SLC25A21: variants seen among roughly 807,000 people sequenced by gnomAD.
SLC25A21 encodes solute carrier family 25 member 21.
SLC25A21 carries 47 observed loss-of-function variants against 43.8 expected under a neutral mutation model. The observed-to-expected ratio is 1.07, with a 90% CI of 0.85 to 1.37. The LOEUF is 1.37. SLC25A21 is among the 40% of genes most tolerant of loss of function. The pLI is 0.00. For missense variants in SLC25A21, 352 were observed against 350.2 expected (o/e 1.00, Z -0.04); for synonymous variants, 131 against 121.3 (o/e 1.08, Z -0.52).
chr14:36,763,582 T>C (rs1886246231), intron 3 of SLC25A21, among the ~76,000 whole-genome samples: 1 of 152,060 alleles, frequency 6.6e-6, no homozygotes, highest in African/African-American at 2.4e-5. Flanking sequence ...CCTCAGGTAT[T>C]TGGGTGGTGG....
chr14:36,875,165 AAT>A (rs1890484080), intron 1 of SLC25A21, among the ~76,000 whole-genome samples, 161 bp from the exon 2 acceptor site: 1 of 152,234 alleles, frequency 6.6e-6, no homozygotes, highest in Non-Finnish European at 1.5e-5. Context: ...ACAGAAGCAT[AAT>A]ATGATTTTAT....
intron 1 of SLC25A21, among the ~76,000 whole-genome samples, chr14:36,947,635 T>C (rs978911830): frequency 6.6e-6 from 1 of 152,130 alleles, no homozygotes; most frequent in Non-Finnish European, 1.5e-5. Flanking sequence ...GACACACACA[T>C]CTGATGATAT....
At chr14:37,049,509 C>T (rs1239991836) in intron 1 of SLC25A21, among the ~76,000 whole-genome samples, 1 of 152,048 alleles carries the variant, frequency 6.6e-6, no homozygotes, top group African/African-American at 2.4e-5. Context: ...GGGGTCGAGG[C>T]TGCAGTGAGC....
Position 36,813,922 on chromosome 14 carries a change from C to G in SLC25A21, c.199G>C (p.Glu67Gln), listed in dbSNP as rs767241289. 1 of 1,597,018 alleles carries G rather than the reference C, an allele frequency of 6.3e-7. No individual in the cohort carries two copies. Among genetic ancestry groups the G allele is most frequent in the Non-Finnish European group, 8.6e-7 (1 of 1,168,796 alleles). ...CTATATGAAGAATATACATACCCTT[C>G]CATTTGGAAAATCATTCGAAAGCTG... Reference protein sequence around the residue: ...VDSFRMIFQMEGLFGFYKGIL... With the variant: ...VDSFRMIFQMQGLFGFYKGIL... The change falls in exon 3 of 10, where the codon GAA (glutamate) becomes CAA (glutamine). Residue 67 changes from glutamate to glutamine, a missense_variant. Coordinates refer to ENST00000331299, the MANE Select transcript of SLC25A21 (RefSeq NM_030631.4).
At chr14:36,776,918 T>G (rs1447372436) in intron 3 of SLC25A21, among the ~76,000 whole-genome samples, 3 of 152,174 alleles carry the variant, frequency 2.0e-5, no homozygotes, top group Non-Finnish European at 4.4e-5. Flanking sequence ...TGTTGGCTCA[T>G]GCTTCCTGAG....
At chr14:36,741,265 G>A (rs1885250894) in intron 3 of SLC25A21, among the ~76,000 whole-genome samples, 1 of 152,156 alleles carries the variant, frequency 6.6e-6, no homozygotes, top group Non-Finnish European at 1.5e-5. Context: ...GGTTTTTGGT[G>A]TTAGGAGCAA....
In SLC25A21 at chr14:37,132,735, AT is replaced by A. The variant is rs57111450; in HGVS notation, c.70+39545del. On this transcript the variant is annotated intron_variant, in intron 1 of 9. Transcript: ENST00000331299. ...CCTTTCTGGCTTCTCTCATAGCTAT[AT>A]TTTTTTTTTTTAAGACAGGGTCTCA... is the stretch of plus-strand genomic sequence containing the variant. Among the ~76,000 whole-genome samples, 973 of 131,424 alleles carry A rather than the reference AT, an allele frequency of 7.4e-3. 5 individuals carry two copies. The highest frequency in any genetic ancestry group is 9.8e-3 in the Non-Finnish European group (570 of 58,314). The allele number at this position is 131,424 out of a possible 152,430, so 86.2% of individuals were successfully genotyped here.
intron 2 of SLC25A21, among the ~76,000 whole-genome samples, chr14:36,818,734 T>C (rs915792223): frequency 6.6e-6 from 1 of 152,228 alleles, no homozygotes; most frequent in African/African-American, 2.4e-5. Flanking sequence ...ATAATTATAG[T>C]GCATTTTGGT....
At chr14:37,044,003 C>T (rs1184724385) in intron 1 of SLC25A21, among the ~76,000 whole-genome samples, 1 of 143,384 alleles carries the variant, frequency 7.0e-6, no homozygotes, top group Non-Finnish European at 1.5e-5. Flanking sequence ...AGGCTGATCT[C>T]GAACTCCTAG....
chr14:36,918,240 G>C (rs1371357393), intron 1 of SLC25A21, among the ~76,000 whole-genome samples: 1 of 152,144 alleles, frequency 6.6e-6, no homozygotes, highest in Non-Finnish European at 1.5e-5. Context: ...GCAGATGGTA[G>C]ACATACTTTG....
chr14:37,155,991 T>C (rs1963842005), intron 1 of SLC25A21, among the ~76,000 whole-genome samples: 1 of 151,852 alleles, frequency 6.6e-6, no homozygotes, highest in Non-Finnish European at 1.5e-5. Flanking sequence ...AAACCCTGTC[T>C]CTACTAAAAA....
At chr14:37,029,728 C>T (rs1261442905) in intron 1 of SLC25A21, among the ~76,000 whole-genome samples, 7 of 150,352 alleles carry the variant, frequency 4.7e-5, no homozygotes, top group South Asian at 4.2e-4. Flanking sequence ...TAGCTTTTGA[C>T]GCCCCCAAAA....
At chr14:36,871,184 C>A (rs1279664458) in intron 2 of SLC25A21, among the ~76,000 whole-genome samples, 4 of 150,904 alleles carry the variant, frequency 2.7e-5, no homozygotes, top group Non-Finnish European at 1.5e-5. Flanking sequence ...AGGAGTGGGG[C>A]CTTTAGGAGG....
intron 9 of SLC25A21, among the ~76,000 whole-genome samples, chr14:36,683,546 C>A (rs1882388906): frequency 6.6e-6 from 1 of 152,254 alleles, no homozygotes; most frequent in African/African-American, 2.4e-5. Context: ...CCTCGGCTCT[C>A]ACTCAAACTC....
intron 1 of SLC25A21, among the ~76,000 whole-genome samples, chr14:36,887,990 A>G (rs1317616781): frequency 1.3e-5 from 2 of 152,096 alleles, no homozygotes; most frequent in Admixed American, 1.3e-4. Flanking sequence ...ACACTTTCTC[A>G]CTTGCATTCA....
chr14:36,783,222 G>A (rs1339243250), intron 3 of SLC25A21, among the ~76,000 whole-genome samples: 1 of 145,150 alleles, frequency 6.9e-6, no homozygotes, highest in South Asian at 2.3e-4. Context: ...TGGTGGGGGG[G>A]CGGAGGAGGA....
intron 1 of SLC25A21, among the ~76,000 whole-genome samples, chr14:37,029,142 G>A (rs942119821): frequency 8.5e-5 from 13 of 152,170 alleles, no homozygotes; most frequent in African/African-American, 3.1e-4. Flanking sequence ...AAATTGTCTT[G>A]TGGAACTAGA....
chr14:37,156,885 T>C (rs755366756), intron 1 of SLC25A21, among the ~76,000 whole-genome samples: 1 of 152,090 alleles, frequency 6.6e-6, no homozygotes, highest in Non-Finnish European at 1.5e-5. Context: ...ACACAAAATA[T>C]CAACAAAGAA....
intron 5 of SLC25A21, 89 bp from the exon 6 acceptor site, chr14:36,725,766 G>A (rs747788953): frequency 1.1e-5 from 8 of 721,536 alleles, no homozygotes; most frequent in East Asian, 3.5e-5. Context: ...GCAGCTGAAC[G>A]TTATAAAGAG....
Sources: allele counts gnomAD v4.1 joint callset (sites outside exome capture counted in the v4.1 genomes callset), GRCh38; gene constraint gnomAD v4.1.1; transcripts MANE v1.5; gene names NCBI Gene and HGNC (gene_info 2026-07-23, HGNC 2026-07-21).